Variants in RAPGEF2 observed in about 807,000 individuals in gnomAD.
RAPGEF2 encodes Rap guanine nucleotide exchange factor 2, also known as PDZ domain containing guanine nucleotide exchange factor (GEF) 1.
Under a neutral mutation model 186.7 loss-of-function variants are expected in RAPGEF2, and 54 were observed. That is an observed-to-expected ratio of 0.29 (90% CI 0.23 to 0.36). The LOEUF (loss-of-function observed/expected upper bound fraction) is 0.36, where lower values mean the gene tolerates loss of function less well. Among genes scored for constraint, RAPGEF2 ranks in the 10% least tolerant of loss-of-function variants. The pLI is 1.00. For synonymous variants in RAPGEF2, 712 were observed against 705.9 expected, an observed-to-expected ratio of 1.01 and a Z score of -0.14; for missense variants, 1,532 against 2,045.0, an observed-to-expected ratio of 0.75 and a Z score of 4.84.
At chr4:159,276,157 A>G (rs990981178) in intron 7 of RAPGEF2, among the ~76,000 whole-genome samples, 3 of 152,158 alleles carry the variant, frequency 2.0e-5, no homozygotes, top group Admixed American at 6.6e-5. Context: ...CACTGGGCCT[A>G]TAGTGGCTGG....
intron 1 of RAPGEF2, among the ~76,000 whole-genome samples, chr4:159,164,251 G>C (rs1428579560): frequency 6.6e-6 from 1 of 151,058 alleles, no homozygotes; most frequent in Non-Finnish European, 1.5e-5. Flanking sequence ...TGATCCGCCC[G>C]CCTCAGCCTC....
intron 1 of RAPGEF2, among the ~76,000 whole-genome samples, chr4:159,161,980 G>A (rs1280968925): frequency 6.6e-6 from 1 of 152,138 alleles, no homozygotes; most frequent in African/African-American, 2.4e-5. Flanking sequence ...GCATCATAAC[G>A]TTCTGGAGAG....
At chr4:159,125,090 C>G (rs145771825) in intron 1 of RAPGEF2, among the ~76,000 whole-genome samples, 80 of 151,612 alleles carry the variant, frequency 5.3e-4, no homozygotes, top group Non-Finnish European at 1.1e-3. Flanking sequence ...AGTTTTCTTC[C>G]TGCATTAGGC....
chr4:159,211,003 A>G (rs1400265101), intron 4 of RAPGEF2, among the ~76,000 whole-genome samples: 1 of 152,218 alleles, frequency 6.6e-6, no homozygotes, highest in Admixed American at 6.5e-5. Flanking sequence ...AGGGACTTTC[A>G]TTGACATTTT....
intron 3 of RAPGEF2, among the ~76,000 whole-genome samples, chr4:159,204,460 T>G (rs1749757018): frequency 6.6e-6 from 1 of 152,170 alleles, no homozygotes; most frequent in African/African-American, 2.4e-5. Flanking sequence ...GGGGGTCAGA[T>G]CAAGTATTTC....
At chr4:159,231,731 G>A (rs1035326342) in intron 4 of RAPGEF2, among the ~76,000 whole-genome samples, 1 of 152,088 alleles carries the variant, frequency 6.6e-6, no homozygotes, top group African/African-American at 2.4e-5. Context: ...GGAGCATTTT[G>A]GATTTCATAT....
intron 7 of RAPGEF2, among the ~76,000 whole-genome samples, chr4:159,297,120 G>A (rs761851819): frequency 6.6e-5 from 10 of 152,176 alleles, no homozygotes; most frequent in Non-Finnish European, 1.5e-4. Context: ...TATTTGGACA[G>A]CAAGCCATGT....
intron 7 of RAPGEF2, among the ~76,000 whole-genome samples, chr4:159,293,939 C>T (rs1761579640): frequency 6.6e-6 from 1 of 152,190 alleles, no homozygotes; most frequent in Non-Finnish European, 1.5e-5. Flanking sequence ...TCACTTCTAA[C>T]TGTTCATACT....
intron 7 of RAPGEF2, among the ~76,000 whole-genome samples, chr4:159,259,958 G>T (rs958307672): frequency 6.6e-6 from 1 of 151,760 alleles, no homozygotes; most frequent in Non-Finnish European, 1.5e-5. Context: ...AACTTCTATT[G>T]TCCTATTATC....
At chr4:159,258,134 G>A (rs1254522683) in intron 7 of RAPGEF2, among the ~76,000 whole-genome samples, 1 of 152,036 alleles carries the variant, frequency 6.6e-6, no homozygotes, top group African/African-American at 2.4e-5. Flanking sequence ...TATTATCTTT[G>A]GTTTGTAAAT....
At chr4:159,106,486 C>T (rs1361331061) in intron 1 of RAPGEF2, among the ~76,000 whole-genome samples, 1 of 152,082 alleles carries the variant, frequency 6.6e-6, no homozygotes, top group Non-Finnish European at 1.5e-5. Context: ...GGAAGATTTT[C>T]CATACAGCCT....
At chr4:159,182,428 C>CTCTGTTGCCCAGGCAG (rs1393119751) in intron 1 of RAPGEF2, among the ~76,000 whole-genome samples, 2 of 116,956 alleles carry the variant, frequency 1.7e-5, no homozygotes, top group Non-Finnish European at 3.3e-5. Flanking sequence ...CAGAGTCTCA[C>CTCTGTTGCCCAGGCAG]TCTGTTGCCC....
intron 7 of RAPGEF2, among the ~76,000 whole-genome samples, chr4:159,254,006 G>A (rs1755822792): frequency 6.6e-6 from 1 of 152,180 alleles, no homozygotes; most frequent in Non-Finnish European, 1.5e-5. Context: ...TGGAATAATT[G>A]CACGTCTTTT....
chr4:159,161,741 T>G (rs900978642), intron 1 of RAPGEF2, among the ~76,000 whole-genome samples: 3 of 152,162 alleles, frequency 2.0e-5, no homozygotes, highest in Non-Finnish European at 4.4e-5. Flanking sequence ...ATTTAGATTG[T>G]GATGGCAGTT....
At chr4:159,250,371 T>C (rs773419284) in intron 7 of RAPGEF2, among the ~76,000 whole-genome samples, 1 of 152,202 alleles carries the variant, frequency 6.6e-6, no homozygotes, top group Non-Finnish European at 1.5e-5. Context: ...GGATGCAATA[T>C]GACATTTGAA....
chr4:159,109,195 A>G lies in RAPGEF2; in HGVS notation c.69+4964A>G, dbSNP rs983602065. On this transcript the variant is annotated intron_variant, in intron 1 of 29. Coordinates refer to ENST00000691494, the MANE Select transcript of RAPGEF2 (RefSeq NM_001394067.2). ...AGTATTCCTTCTTTGTAAATTTTAT[A>G]TGGAAGTAACTTTGGCCAGGAGTGG... Among the ~76,000 whole-genome samples, 49 of 152,220 alleles carry G rather than the reference A, an allele frequency of 3.2e-4. 1 individual carries two copies. The highest frequency in any genetic ancestry group is 2.1e-4 in the South Asian group (1 of 4,808).
intron 1 of RAPGEF2, among the ~76,000 whole-genome samples, chr4:159,170,101 C>T (rs910794274): frequency 6.7e-6 from 1 of 149,588 alleles, no homozygotes; most frequent in African/African-American, 2.5e-5. Context: ...TTTTAAACAG[C>T]CATTCTTACA....
intron 7 of RAPGEF2, among the ~76,000 whole-genome samples, chr4:159,298,239 A>G (rs1024498014): frequency 3.3e-5 from 5 of 152,138 alleles, no homozygotes; most frequent in Non-Finnish European, 7.4e-5. Context: ...TCCTGACATT[A>G]TATATATTTA....
At chr4:159,143,829 A>G (rs1379133212) in intron 1 of RAPGEF2, among the ~76,000 whole-genome samples, 1 of 152,182 alleles carries the variant, frequency 6.6e-6, no homozygotes, top group Non-Finnish European at 1.5e-5. Context: ...GCCATGGAGA[A>G]GTGTAGAGTC....
Sources: gnomAD v4.1 joint callset for allele counts (sites outside exome capture counted in the v4.1 genomes callset) on GRCh38, gnomAD v4.1.1 for gene constraint, MANE v1.5 for transcripts, NCBI Gene and HGNC (gene_info 2026-07-23, HGNC 2026-07-21) for gene names.